The following LYRM4 variants were observed in gnomAD, a reference collection of about 807,000 sequenced individuals.
LYRM4 encodes the protein LYR motif-containing protein 4.
LYRM4 carries 9 observed loss-of-function variants against 11.7 expected under a neutral mutation model. That is an observed-to-expected ratio of 0.77 (90% confidence interval 0.46 to 1.34). LYRM4 has a LOEUF of 1.34. Ranked by LOEUF, LYRM4 falls within the 40% of genes most tolerant of loss-of-function variation. LYRM4 has a pLI of 0.00. For synonymous variants in LYRM4, 42 were observed against 40.4 expected (o/e 1.04, Z -0.15); for missense variants, 133 against 112.5 (o/e 1.18, Z -0.82).
chr6:5,256,116 T>C (rs1339687645), intron 1 of LYRM4, among the ~76,000 whole-genome samples: 2 of 151,836 alleles, frequency 1.3e-5, no homozygotes, highest in African/African-American at 4.8e-5. Flanking sequence ...GTGAGAAAAT[T>C]AGTGGCTACG....
chr6:5,064,693 T>C, the LYRM4 span, among the ~76,000 whole-genome samples: 6 of 152,148 alleles, frequency 3.9e-5, no homozygotes, highest in Admixed American at 1.3e-4. Context: ...GGGCGAACCA[T>C]TGTGGCTAGC....
chr6:5,239,996 A>G (rs1476011933), intron 1 of LYRM4, among the ~76,000 whole-genome samples: 1 of 152,212 alleles, frequency 6.6e-6, no homozygotes, highest in Non-Finnish European at 1.5e-5. Context: ...TGCCGCAGCC[A>G]ATCAGGTGGA....
intron 1 of LYRM4, among the ~76,000 whole-genome samples, chr6:5,251,994 G>A (rs775783769): frequency 3.9e-5 from 6 of 152,140 alleles, no homozygotes; most frequent in African/African-American, 7.2e-5. Flanking sequence ...TCATTATTTG[G>A]TTCCTTCATT....
chr6:5,097,777 G>A, the LYRM4 span, among the ~76,000 whole-genome samples: 2 of 152,302 alleles, frequency 1.3e-5, no homozygotes, highest in East Asian at 1.9e-4. Context: ...GAGCAATGAA[G>A]GGAGACAAAT....
At position 5,223,840 on chromosome 6, in the gene LYRM4, G is replaced by A. The variant is rs73719753; in HGVS notation, c.87-7102C>T. Among the ~76,000 whole-genome samples the A allele has an allele frequency of 3.2e-3, 493 of 152,286 alleles. 6 individuals are homozygous for A. The highest frequency in any genetic ancestry group is 0.011 in the African/African-American group (467 of 41,564). On this transcript the variant is annotated intron_variant, in intron 1 of 2. Coordinates refer to ENST00000330636, the MANE Select transcript of LYRM4 (RefSeq NM_020408.6). ...AATCCATTTTGGAGATCAAAGCTTCGGGTTTTTGGGTAGTTGTGAATAAAA... is the reference window on the plus strand; with the variant it reads ...AATCCATTTTGGAGATCAAAGCTTCAGGTTTTTGGGTAGTTGTGAATAAAA...
intron 2 of LYRM4, among the ~76,000 whole-genome samples, chr6:5,196,729 G>A (rs1453141751): frequency 1.3e-5 from 2 of 152,080 alleles, no homozygotes; most frequent in African/African-American, 2.4e-5. Flanking sequence ...GGAATGATTT[G>A]GTTCTTTAAC....
At chr6:5,205,917 T>C (rs1761668806) in intron 2 of LYRM4, among the ~76,000 whole-genome samples, 1 of 152,212 alleles carries the variant, frequency 6.6e-6, no homozygotes, top group Non-Finnish European at 1.5e-5. Context: ...ACTCCTGCCA[T>C]TGCTGGGTGT....
chr6:5,231,356 C>T (rs1414207223), intron 1 of LYRM4, among the ~76,000 whole-genome samples: 1 of 152,202 alleles, frequency 6.6e-6, no homozygotes, highest in Non-Finnish European at 1.5e-5. Context: ...ATAGTCAAAA[C>T]CTTGCTGGGC....
chr6:5,200,481 A>G (rs1183119340), intron 2 of LYRM4, among the ~76,000 whole-genome samples: 2 of 152,248 alleles, frequency 1.3e-5, no homozygotes, highest in Admixed American at 6.5e-5. Flanking sequence ...TAAAATTTTC[A>G]TTGTTTAATT....
rs1758980313 is a variant in LYRM4 at position 5,164,891 on chromosome 6, C to T, written c.207+51727G>A. 2.7e-5 allele frequency among the ~76,000 whole-genome samples: 4 copies of T among 146,926 alleles called. No homozygotes were observed. The South Asian group carries it at 8.5e-4, about 31-fold the overall frequency. On this transcript the variant is annotated intron_variant, in intron 2 of 2. Transcript: ENST00000330636. ...GCTGAGGCAGGAGAATCGCTTGAACCTGGGAGGCGGAGGTTGCAGTGAGCC... is the reference window on the plus strand; with the variant it reads ...GCTGAGGCAGGAGAATCGCTTGAACTTGGGAGGCGGAGGTTGCAGTGAGCC...
the LYRM4 span, among the ~76,000 whole-genome samples, chr6:5,039,954 T>G: frequency 1.3e-5 from 2 of 152,156 alleles, no homozygotes; most frequent in Non-Finnish European, 2.9e-5. Context: ...CACACACGTG[T>G]GGACACATAT....
chr6:5,110,330 C>G (rs1453944886), intron 2 of LYRM4, among the ~76,000 whole-genome samples: 1 of 108,882 alleles, frequency 9.2e-6, no homozygotes, highest in Non-Finnish European at 2.1e-5. Context: ...GGGTCAACAT[C>G]CTCATGGTTT....
At chr6:5,200,989 A>G (rs1027035218) in intron 2 of LYRM4, among the ~76,000 whole-genome samples, 6 of 152,234 alleles carry the variant, frequency 3.9e-5, no homozygotes, top group Admixed American at 2.0e-4. Flanking sequence ...ACTGTAATGT[A>G]TAAGAACAAA....
the LYRM4 span, among the ~76,000 whole-genome samples, chr6:5,064,300 G>A: frequency 5.3e-5 from 8 of 152,076 alleles, no homozygotes; most frequent in Non-Finnish European, 1.0e-4. Context: ...CAAACGAGAC[G>A]TGATATCTAT....
the LYRM4 span, among the ~76,000 whole-genome samples, chr6:5,054,886 A>G: frequency 6.6e-6 from 1 of 152,234 alleles, no homozygotes; most frequent in Non-Finnish European, 1.5e-5. Flanking sequence ...ATCCCAAAAT[A>G]TATTCCCTTG....
At position 5,121,127 on chromosome 6, in the gene LYRM4, G is replaced by T. The variant is rs963721691; in HGVS notation, c.208-11636C>A. Reference sequence around the variant, plus strand: ...TTCCCTCCACCCCTGCCCTGCAATGGAGTGCATACTTTTCCAAAAAACAAG... The same window carrying T: ...TTCCCTCCACCCCTGCCCTGCAATGTAGTGCATACTTTTCCAAAAAACAAG... On this transcript the variant is annotated intron_variant, in intron 2 of 2. Coordinates refer to ENST00000330636, the MANE Select transcript of LYRM4 (RefSeq NM_020408.6). 2.0e-5 allele frequency among the ~76,000 whole-genome samples: 3 copies of T among 152,234 alleles called. No homozygotes were observed. The South Asian group carries it at 6.2e-4, about 32-fold the overall frequency.
At chr6:5,100,247 G>T (rs1762458003), downstream of LYRM4, among the ~76,000 whole-genome samples, 1 of 152,222 alleles carries the variant, frequency 6.6e-6, no homozygotes, top group African/African-American at 2.4e-5. Flanking sequence ...TTGGCTCATG[G>T]ATGCTGGGTT....
chr6:5,248,876 T>G (rs1268359522), intron 1 of LYRM4, among the ~76,000 whole-genome samples: 1 of 152,246 alleles, frequency 6.6e-6, no homozygotes, highest in African/African-American at 2.4e-5. Context: ...CAAGGAACAA[T>G]GAGTCTGGCG....
chr6:5,189,105 T>G (rs1760597719), intron 2 of LYRM4, among the ~76,000 whole-genome samples: 2 of 152,218 alleles, frequency 1.3e-5, no homozygotes. Flanking sequence ...GGACCCCTTG[T>G]CTTGCTGTTT....
Sources: gnomAD v4.1 joint callset for allele counts (sites outside exome capture counted in the v4.1 genomes callset) on GRCh38, gnomAD v4.1.1 for gene constraint, MANE v1.5 for transcripts, NCBI Gene and HGNC (gene_info 2026-07-23, HGNC 2026-07-21) for gene names.